Variants in CCNE2 observed in about 807,000 individuals in gnomAD.
The protein encoded by CCNE2 is cyclin E2, also known as G1/S-specific cyclin-E2.
In CCNE2, 18 loss-of-function variants were observed where a neutral mutation model predicts 56.8. That is an observed-to-expected ratio of 0.32 (90% confidence interval 0.22 to 0.47). The LOEUF (loss-of-function observed/expected upper bound fraction) is 0.47. Among genes scored for constraint, CCNE2 ranks in the 20% least tolerant of loss-of-function variants. CCNE2 has a pLI of 1.00. For synonymous variants in CCNE2, 139 were observed against 149.2 expected, an observed-to-expected ratio of 0.93 and a Z score of 0.50; for missense variants, 371 against 467.1, an observed-to-expected ratio of 0.79 and a Z score of 1.90.
upstream of CCNE2, among the ~76,000 whole-genome samples, chr8:94,895,458 CT>C (rs1018689543): frequency 6.6e-6 from 1 of 152,202 alleles, no homozygotes; most frequent in Non-Finnish European, 1.5e-5. Flanking sequence ...GGGGCTCCTT[CT>C]CCGCGGCTGT....
Position 94,885,544 on chromosome 8 carries a change from A to G in CCNE2, c.615T>C (p.Pro205=). 6.3e-7 allele frequency: 1 copy of G among 1,592,824 alleles called. No individual in the cohort carries two copies. Among genetic ancestry groups the G allele is most frequent in the Non-Finnish European group, 8.6e-7 (1 of 1,165,282 alleles). Residue 205 remains proline, a synonymous_variant, in exon 8 of 12, where the codon CCT becomes CCC. Coordinates refer to ENST00000308108, the MANE Select transcript of CCNE2 (RefSeq NM_057749.3). The part of the protein sequence containing the change: ...IASKLEEIYA[P]KLQEFAYVTD... ...TGACGTAAGCAAACTCTTGGAGTTT[A>G]GGAGCATAGATTTCCTTTAAATTGT...
At chr8:94,889,400 G>C (rs1488196696) in intron 6 of CCNE2, among the ~76,000 whole-genome samples, 7 of 152,104 alleles carry the variant, frequency 4.6e-5, no homozygotes, top group Admixed American at 4.6e-4. Flanking sequence ...ATAACCACTG[G>C]ATGAATATCA....
chr8:94,891,841 A>G (rs139270033), intron 5 of CCNE2: 139 of 1,533,246 alleles, frequency 9.1e-5, no homozygotes, highest in Admixed American at 3.9e-4. Flanking sequence ...CATGCTTAAA[A>G]ATGCAGAGAG....
In CCNE2 at chr8:94,893,941, C is replaced by A. The variant is rs551770895; in HGVS notation, c.115G>T (p.Val39Phe). The change falls in exon 4 of 12, where the codon GTC (valine) becomes TTC (phenylalanine). Residue 39 changes from valine to phenylalanine, a missense_variant. Physicochemically the swap from Val to Phe is conservative, Grantham distance 50. Coordinates refer to ENST00000308108, the MANE Select transcript of CCNE2 (RefSeq NM_057749.3). ...QAKKRKTTQD[V>F]KKRREEVTKK... The stretch of plus-strand genomic sequence containing the variant: ...GTGACCTCCTCTCTTCTTTTTTTGA[C>A]ATCCTGGAAAATAGAAAAGACCATT... 9 of 1,613,486 alleles carry A rather than the reference C, an allele frequency of 5.6e-6. No individual in the cohort carries two copies. In the South Asian group the frequency reaches 8.8e-5, roughly 16 times the overall value.
rs1816761378 is a variant in CCNE2 at position 94,880,385 on chromosome 8, C to T, written c.*1247G>A. 1.9e-6 allele frequency: 1 copy of T among 527,342 alleles called. No homozygotes were observed. The highest frequency in any genetic ancestry group is 3.4e-6 in the Non-Finnish European group (1 of 295,734). The allele number at this position is 527,342 out of a possible 1,614,324, so 32.7% of individuals were successfully genotyped here. A position where few individuals can be genotyped will look rare whatever the true frequency, so the allele number is the denominator to read the frequency against. On this transcript the variant is annotated 3_prime_UTR_variant, in exon 12 of 12. Transcript: ENST00000308108. ...AAACAAATATTAGTTTAAAAACAAA[C>T]TATACAGAAGACTTCATACCGTAAC...
At chr8:94,883,476 C>CATTAA (rs1816911856) in intron 9 of CCNE2, among the ~76,000 whole-genome samples, 1 of 152,118 alleles carries the variant, frequency 6.6e-6, no homozygotes, top group Non-Finnish European at 1.5e-5. Flanking sequence ...GGTATAGGGA[C>CATTAA]ATTACTTGGA....
Position 94,882,134 on chromosome 8 carries a change from G to A in CCNE2, c.1099C>T (p.Leu367=). The A allele has an allele frequency of 1.3e-6, 2 of 1,599,288 alleles. No individual in the cohort carries two copies. The highest frequency in any genetic ancestry group is 1.3e-5 in the African/African-American group (1 of 74,162). Reference sequence around the variant, plus strand: ...AAAAAACTCACAAAAAAACATACCAGCATAGCCAAATAGTTTGTATGTGTC... The same window carrying A: ...AAAAAACTCACAAAAAAACATACCAACATAGCCAAATAGTTTGTATGTGTC... ...IQTHTNYLAM[L]EEVNYINTFR... Residue 367 remains leucine (L), a splice_region_variant and synonymous_variant, in exon 11 of 12, where the codon CTG becomes TTG. Coordinates refer to ENST00000308108, the MANE Select transcript of CCNE2 (RefSeq NM_057749.3).
chr8:94,891,950 A>C, intron 5 of CCNE2: 460 of 1,129,456 alleles, frequency 4.1e-4, no homozygotes, highest in Non-Finnish European at 5.5e-4. Context: ...TACAGAGCTC[A>C]TGGTCGGATT....
chr8:94,892,511 T>C (rs959565097), intron 5 of CCNE2, among the ~76,000 whole-genome samples: 2 of 152,208 alleles, frequency 1.3e-5, no homozygotes, highest in Non-Finnish European at 2.9e-5. Flanking sequence ...GAAACACGAA[T>C]AAAAATTTTA....
chr8:94,894,521 T>C, intron 1 of CCNE2: 1 of 419,798 alleles, frequency 2.4e-6, no homozygotes, highest in Middle Eastern at 6.5e-4. Context: ...GAGGCACATC[T>C]TCCTCAAACG....
chr8:94,892,217 A>G, intron 5 of CCNE2: 1 of 394,472 alleles, frequency 2.5e-6, no homozygotes, highest in Middle Eastern at 8.9e-4. Flanking sequence ...AGAAGTCTCA[A>G]TCACCTCTAA....
At chr8:94,884,897 T>C in intron 9 of CCNE2, 170 bp downstream of exon 9, 1 of 531,986 alleles carries the variant, frequency 1.9e-6, no homozygotes, top group South Asian at 3.3e-5. Context: ...TTTCTAGAAA[T>C]ATTAAGCAAC....
chr8:94,896,343 A>G (rs1437245174), upstream of CCNE2: 2 of 146,682 alleles, frequency 1.4e-5, no homozygotes, highest in Non-Finnish European at 3.0e-5. Flanking sequence ...TTCGCGCCCG[A>G]GCGCTGTTGG....
chr8:94,888,819 C>A (rs1248548981), intron 6 of CCNE2, among the ~76,000 whole-genome samples: 1 of 152,188 alleles, frequency 6.6e-6, no homozygotes, highest in Non-Finnish European at 1.5e-5. Flanking sequence ...AGCCATCACA[C>A]CTGGCCACAT....
chr8:94,890,163 T>C (rs1158627778), intron 6 of CCNE2, among the ~76,000 whole-genome samples: 1 of 152,204 alleles, frequency 6.6e-6, no homozygotes, highest in Admixed American at 6.5e-5. Context: ...CAGAAAGTGG[T>C]TGGTACACAG....
At chr8:94,891,764 C>A (rs1817253969) in intron 5 of CCNE2, 2 of 1,253,660 alleles carry the variant, frequency 1.6e-6, no homozygotes, top group Non-Finnish European at 2.3e-6. Flanking sequence ...GGTAGGTGTA[C>A]CCAGGCCAAG....
chr8:94,894,320 G>A (rs1817372183), intron 1 of CCNE2, 73 bp from the exon 2 acceptor site: 3 of 1,515,150 alleles, frequency 2.0e-6, no homozygotes, highest in African/African-American at 2.7e-5. Context: ...GTAAGACGCT[G>A]ATTCGCAGGT....
Position 94,893,062 on chromosome 8 carries a change from A to G in CCNE2, c.166-93T>C. The G allele has an allele frequency of 2.9e-6, 3 of 1,024,580 alleles. No homozygotes were observed. In the South Asian group the frequency reaches 5.0e-5, roughly 17 times the overall value. 63.5% of individuals were successfully genotyped at this position (1,024,580 alleles called of 1,614,324 possible). A position where few individuals can be genotyped will look rare whatever the true frequency, so the allele number is the denominator to read the frequency against. On this transcript the variant is annotated intron_variant, in intron 4 of 11. Coordinates refer to ENST00000308108, the MANE Select transcript of CCNE2 (RefSeq NM_057749.3). ...CATAAATGAAAGCTAATATGTCTAA[A>G]GAATCATAATTTTAGCTAACATAGA... is the stretch of plus-strand genomic sequence containing the variant.
rs1003778281 is a variant in CCNE2 at position 94,895,159 on chromosome 8, C to G, written c.-27+18G>C. 3 of 985,450 alleles carry G rather than the reference C, an allele frequency of 3.0e-6. No individual in the cohort carries two copies. The highest frequency in any genetic ancestry group is 2.4e-6 in the Non-Finnish European group (2 of 829,924). 61.0% of individuals were successfully genotyped at this position (985,450 alleles called of 1,614,324 possible). On this transcript the variant is annotated intron_variant, in intron 1 of 11. Transcript: ENST00000308108. ...TTTCTTTCCTCCCACATCCCCCCTA[C>G]GCGCAGCAACTCCTCACCGCCAGAC...
Sources: allele counts gnomAD v4.1 joint callset (sites outside exome capture counted in the v4.1 genomes callset), GRCh38; gene constraint gnomAD v4.1.1; transcripts MANE v1.5; gene names NCBI Gene and HGNC (gene_info 2026-07-23, HGNC 2026-07-21).